Variants in TMEM117 observed in about 807,000 individuals in gnomAD.
TMEM117 encodes transmembrane protein 117.
TMEM117 carries 27 observed loss-of-function variants against 52.4 expected under a neutral mutation model. The observed-to-expected ratio is 0.51, with a 90% CI of 0.38 to 0.71. The LOEUF is 0.71. Among genes scored for constraint, TMEM117 ranks in the 30% least tolerant of loss-of-function variants. The probability of loss-of-function intolerance (pLI) is 0.00; values close to 1 mark genes in which losing one functional copy is unlikely to be tolerated. For synonymous variants in TMEM117, 215 were observed against 206.3 expected (o/e 1.04, Z -0.36); for missense variants, 556 against 630.5 (o/e 0.88, Z 1.26).
intron 6 of TMEM117, 108 bp from the exon 7 acceptor site, chr12:44,376,487 G>T: frequency 7.7e-7 from 1 of 1,292,490 alleles, no homozygotes; most frequent in Non-Finnish European, 1.1e-6. Flanking sequence ...ACAGCTGGCT[G>T]CATTTAAATG....
At chr12:43,931,813 C>G (rs964085101) in intron 2 of TMEM117, among the ~76,000 whole-genome samples, 7 of 152,114 alleles carry the variant, frequency 4.6e-5, no homozygotes, top group African/African-American at 1.7e-4. Flanking sequence ...AATTTGGAAT[C>G]CAAGAGATAC....
intron 3 of TMEM117, among the ~76,000 whole-genome samples, chr12:44,106,878 A>G (rs1947964577): frequency 6.6e-6 from 1 of 152,028 alleles, no homozygotes; most frequent in African/African-American, 2.4e-5. Flanking sequence ...AAATGTATAC[A>G]TATATTTCCT....
chr12:44,135,042 C>T (rs941250196), intron 3 of TMEM117, among the ~76,000 whole-genome samples: 19 of 152,240 alleles, frequency 1.2e-4, no homozygotes, highest in Non-Finnish European at 2.1e-4. Context: ...CTCTGCCACT[C>T]TCACTCTCTT....
rs1201214022 is a variant in TMEM117, at chr12:44,325,600, C to G, written c.768+25861C>G. Among the ~76,000 whole-genome samples the G allele has an allele frequency of 2.6e-5, 4 of 151,878 alleles. No individual in the cohort carries two copies. In the South Asian group the frequency reaches 8.3e-4, roughly 31 times the overall value. On this transcript the variant is annotated intron_variant, in intron 6 of 7. Coordinates refer to ENST00000266534, the MANE Select transcript of TMEM117 (RefSeq NM_032256.3). ...ATCTTAGGATGGTTAATATTTTTCT[C>G]ATTGTCTTGTAATAGCTCCTTGCAC...
At chr12:44,123,873 T>G (rs1379907262) in intron 3 of TMEM117, among the ~76,000 whole-genome samples, 1 of 152,242 alleles carries the variant, frequency 6.6e-6, no homozygotes, top group Non-Finnish European at 1.5e-5. Flanking sequence ...AGGATTGTCT[T>G]GGCTAGTCAT....
At chr12:43,952,201 C>T (rs1945235230) in intron 3 of TMEM117, among the ~76,000 whole-genome samples, 1 of 152,128 alleles carries the variant, frequency 6.6e-6, no homozygotes, top group Non-Finnish European at 1.5e-5. Context: ...TGCAAAAATG[C>T]TGAAAATCCC....
chr12:44,376,430 C>A, intron 6 of TMEM117, 165 bp from the exon 7 acceptor site: 1 of 799,340 alleles, frequency 1.3e-6, no homozygotes, highest in Non-Finnish European at 2.1e-6. Context: ...CATACTGCTA[C>A]CTAATGTACA....
chr12:44,059,665 A>G (rs1266024820), intron 3 of TMEM117, among the ~76,000 whole-genome samples: 7 of 152,228 alleles, frequency 4.6e-5, no homozygotes, highest in South Asian at 4.1e-4. Flanking sequence ...AAGGGCTTAC[A>G]TAGTGTATAC....
chr12:44,003,697 G>A (rs984919668), intron 3 of TMEM117, among the ~76,000 whole-genome samples: 10 of 152,196 alleles, frequency 6.6e-5, no homozygotes, highest in Admixed American at 6.5e-4. Flanking sequence ...TCCTCAGAAA[G>A]GCAATGGAGT....
chr12:44,279,990 T>A (rs1950558611), intron 5 of TMEM117, among the ~76,000 whole-genome samples: 1 of 152,218 alleles, frequency 6.6e-6, no homozygotes, highest in Non-Finnish European at 1.5e-5. Flanking sequence ...TCTTAAGCTA[T>A]CTCTGGCTAC....
At chr12:44,101,428 G>A (rs899775436) in intron 3 of TMEM117, among the ~76,000 whole-genome samples, 3 of 151,530 alleles carry the variant, frequency 2.0e-5, no homozygotes, top group East Asian at 1.9e-4. Context: ...GTCCATTAAC[G>A]TTCCCTGAAT....
downstream of TMEM117, among the ~76,000 whole-genome samples, chr12:44,392,233 A>G (rs1487739685): frequency 6.6e-6 from 1 of 152,184 alleles, no homozygotes; most frequent in Non-Finnish European, 1.5e-5. Context: ...AAACTAGAAA[A>G]AGAGGTGGAT....
At chr12:44,105,709 G>C (rs1947941284) in intron 3 of TMEM117, among the ~76,000 whole-genome samples, 1 of 152,032 alleles carries the variant, frequency 6.6e-6, no homozygotes, top group Non-Finnish European at 1.5e-5. Context: ...GGGTGGGACA[G>C]GATGGGTGGA....
chr12:44,342,290 G>A (rs1324136377), intron 6 of TMEM117, among the ~76,000 whole-genome samples: 1 of 152,110 alleles, frequency 6.6e-6, no homozygotes, highest in Non-Finnish European at 1.5e-5. Flanking sequence ...TCTGCTTCCA[G>A]GAAAATCTAG....
intron 2 of TMEM117, among the ~76,000 whole-genome samples, chr12:43,854,987 T>G (rs2137382662): frequency 6.6e-6 from 1 of 152,338 alleles, no homozygotes; most frequent in South Asian, 2.1e-4. Context: ...TGTTTCAGAA[T>G]TTAGAGCATT....
chr12:43,998,367 G>A (rs928202269), intron 3 of TMEM117, among the ~76,000 whole-genome samples: 3 of 152,168 alleles, frequency 2.0e-5, no homozygotes, highest in African/African-American at 7.2e-5. Flanking sequence ...TAATCTATAT[G>A]TCTTTATATT....
chr12:44,314,282 A>T (rs925436513), intron 6 of TMEM117, among the ~76,000 whole-genome samples: 1 of 152,020 alleles, frequency 6.6e-6, no homozygotes, highest in Non-Finnish European at 1.5e-5. Flanking sequence ...TCAAGGGCTT[A>T]TTTGTTGAGG....
chr12:44,146,780 A>G (rs1281878466), intron 4 of TMEM117, among the ~76,000 whole-genome samples: 5 of 152,350 alleles, frequency 3.3e-5, no homozygotes, highest in Admixed American at 2.0e-4. Context: ...ATGAATATCA[A>G]TGATGAGGGT....
intron 4 of TMEM117, among the ~76,000 whole-genome samples, chr12:44,177,351 T>A (rs1949129958): frequency 3.3e-5 from 5 of 152,202 alleles, no homozygotes. Flanking sequence ...GAAGGCTCAA[T>A]GCGAAATGAA....
Sources: gnomAD v4.1 joint callset for allele counts (sites outside exome capture counted in the v4.1 genomes callset) on GRCh38, gnomAD v4.1.1 for gene constraint, MANE v1.5 for transcripts, NCBI Gene and HGNC (gene_info 2026-07-23, HGNC 2026-07-21) for gene names.